Variants in GRIK4 observed in about 807,000 individuals in gnomAD.
GRIK4 encodes the protein glutamate ionotropic receptor kainate type subunit 4, also known as glutamate receptor ionotropic, kainate 4.
In GRIK4, 40 loss-of-function variants were observed where a neutral mutation model predicts 104.9. That is an observed-to-expected ratio of 0.38 (90% CI 0.30 to 0.50). The LOEUF (loss-of-function observed/expected upper bound fraction) is 0.50, where lower values mean the gene tolerates loss of function less well. GRIK4 is among the 20% of genes least tolerant of loss of function. The pLI is 0.93. For missense variants in GRIK4, 1,047 were observed against 1,308.1 expected (o/e 0.80, Z 3.08); for synonymous variants, 485 against 524.9 (o/e 0.92, Z 1.04).
At chr11:120,644,059 G>T (rs1311384711) in intron 1 of GRIK4, among the ~76,000 whole-genome samples, 5 of 121,038 alleles carry the variant, frequency 4.1e-5, no homozygotes, top group African/African-American at 1.8e-4. Flanking sequence ...GAGAGAGAGA[G>T]GAGAGAGAGA....
At chr11:120,671,210 A>G (rs1950011825) in intron 3 of GRIK4, among the ~76,000 whole-genome samples, 1 of 152,312 alleles carries the variant, frequency 6.6e-6, no homozygotes, top group Non-Finnish European at 1.5e-5. Flanking sequence ...TCCTTTGGGT[A>G]TATACCCAGT....
chr11:120,876,504 A>G (rs1451473349), intron 11 of GRIK4, among the ~76,000 whole-genome samples: 1 of 149,376 alleles, frequency 6.7e-6, no homozygotes, highest in Non-Finnish European at 1.5e-5. Flanking sequence ...TACCACTGCG[A>G]TTGTCATCAT....
At chr11:120,612,221 T>A (rs970283731) in intron 1 of GRIK4, among the ~76,000 whole-genome samples, 1 of 152,196 alleles carries the variant, frequency 6.6e-6, no homozygotes, top group African/African-American at 2.4e-5. Flanking sequence ...TGAACCACCA[T>A]GGGTCCATCT....
chr11:120,596,362 C>G (rs1280232132), intron 1 of GRIK4, among the ~76,000 whole-genome samples: 1 of 152,132 alleles, frequency 6.6e-6, no homozygotes, highest in Non-Finnish European at 1.5e-5. Context: ...AAAAAAAATG[C>G]AACGTGATGA....
intron 8 of GRIK4, among the ~76,000 whole-genome samples, chr11:120,857,174 G>A (rs1396884349): frequency 6.6e-6 from 1 of 152,120 alleles, no homozygotes; most frequent in Non-Finnish European, 1.5e-5. Flanking sequence ...CCTGTCTGGG[G>A]CCATGCCCAA....
At chr11:120,722,123 C>A (rs1476749948) in intron 3 of GRIK4, among the ~76,000 whole-genome samples, 1 of 152,182 alleles carries the variant, frequency 6.6e-6, no homozygotes, top group Non-Finnish European at 1.5e-5. Flanking sequence ...GCTGTGTGCT[C>A]TGCGGCTTCT....
intron 3 of GRIK4, among the ~76,000 whole-genome samples, chr11:120,740,793 A>C (rs1298719861): frequency 6.6e-6 from 1 of 152,200 alleles, no homozygotes; most frequent in Non-Finnish European, 1.5e-5. Flanking sequence ...TGTAAAGTAC[A>C]ATGGCCTCTC....
chr11:120,891,903 G>A lies in GRIK4; in HGVS notation c.1165-6629G>A, dbSNP rs896481685. Among the ~76,000 whole-genome samples the A allele has an allele frequency of 3.9e-5, 6 of 152,192 alleles. No individual in the cohort carries two copies. In the South Asian group the frequency reaches 6.2e-4, roughly 16 times the overall value. On this transcript the variant is annotated intron_variant, in intron 11 of 20. Coordinates refer to ENST00000527524, the MANE Select transcript of GRIK4 (RefSeq NM_014619.5). ...CAAATTTTTTTCTATGAAGGTCCAC[G>A]TGATAAATATTTAGACTTTGCAGGT... is the stretch of plus-strand genomic sequence containing the variant.
rs1949711363 is a variant in GRIK4 at position 120,656,444 on chromosome 11, G to A, written c.-51+2652G>A. On this transcript the variant is annotated intron_variant, in intron 2 of 20. Coordinates refer to ENST00000527524, the MANE Select transcript of GRIK4 (RefSeq NM_014619.5). The stretch of plus-strand genomic sequence containing the variant: ...GCAAGCCACTGAGCCTTACAGACAT[G>A]CAACATGGTGGCTCTTTTCATTCTT... Among the ~76,000 whole-genome samples, 3 of 152,192 alleles carry A rather than the reference G, an allele frequency of 2.0e-5. No homozygotes were observed. In the South Asian group the frequency reaches 6.2e-4, roughly 32 times the overall value.
Position 120,905,512 on chromosome 11 carries a change from A to G in GRIK4, c.1476+19A>G, listed in dbSNP as rs760280056. On this transcript the variant is annotated intron_variant, in intron 13 of 20. Transcript: ENST00000527524. The surrounding 1 kb of genome is among the most constrained non-coding windows in gnomAD (Gnocchi z 5.1). Reference sequence around the variant, plus strand: ...CGCTAGGGTAAGGAGAGGACAAGTGATCTGGGCCTGAGGGTGGGCTGGGAG... The same window carrying G: ...CGCTAGGGTAAGGAGAGGACAAGTGGTCTGGGCCTGAGGGTGGGCTGGGAG... 33 of 655,286 alleles carry G rather than the reference A, an allele frequency of 5.0e-5. No individual in the cohort carries two copies. The East Asian group carries it at 1.7e-3, about 33-fold the overall frequency. The allele number at this position is 655,286 out of a possible 1,614,324, so 40.6% of individuals were successfully genotyped here.
Position 120,895,561 on chromosome 11 carries a change from G to T in GRIK4, c.1165-2971G>T, listed in dbSNP as rs191952625. ...GGAATGGCCCTAGAAGCCATTCCCC[G>T]GTTAGCCTGGCCTGCTTAAGTGAAG... On this transcript the variant is annotated intron_variant, in intron 11 of 20. Transcript: ENST00000527524. Among the ~76,000 whole-genome samples, 171 of 152,192 alleles carry T rather than the reference G, an allele frequency of 1.1e-3. 1 individual carries two copies. The highest frequency in any genetic ancestry group is 3.9e-3 in the African/African-American group (164 of 41,526).
At chr11:120,722,649 G>T (rs1307798741) in intron 3 of GRIK4, among the ~76,000 whole-genome samples, 1 of 152,000 alleles carries the variant, frequency 6.6e-6, no homozygotes, top group Non-Finnish European at 1.5e-5. Flanking sequence ...TTTCCAAAGA[G>T]ACATCTTGAT....
intron 1 of GRIK4, among the ~76,000 whole-genome samples, chr11:120,565,813 C>T (rs1948314347): frequency 1.3e-5 from 2 of 152,204 alleles, no homozygotes; most frequent in Admixed American, 6.5e-5. Flanking sequence ...CATGAGAAAA[C>T]TTAACTAATA....
Position 120,641,419 on chromosome 11 carries a change from G to A in GRIK4, c.-158-12266G>A, listed in dbSNP as rs564624373. On this transcript the variant is annotated intron_variant, in intron 1 of 20. Transcript: ENST00000527524. ...AGGAATAAAGCTTGGCTACTCCATA[G>A]GCAATGCAGCCCACATGGCTGAGTA... Among the ~76,000 whole-genome samples, 4 of 151,882 alleles carry A rather than the reference G, an allele frequency of 2.6e-5. 1 individual carries two copies. In the South Asian group the frequency reaches 8.3e-4, roughly 32 times the overall value.
chr11:120,772,569 C>A (rs2135458904), intron 3 of GRIK4, among the ~76,000 whole-genome samples: 1 of 152,148 alleles, frequency 6.6e-6, no homozygotes, highest in South Asian at 2.1e-4. Context: ...TCAACTCAGG[C>A]TAAGGAGGTC....
intron 13 of GRIK4, among the ~76,000 whole-genome samples, chr11:120,915,289 C>T (rs1943082891): frequency 1.3e-5 from 2 of 152,242 alleles, no homozygotes; most frequent in Admixed American, 1.3e-4. Context: ...CTCTCCACAA[C>T]ACTCTGCTTC....
At chr11:120,574,368 C>T (rs1284364197) in intron 1 of GRIK4, among the ~76,000 whole-genome samples, 1 of 152,204 alleles carries the variant, frequency 6.6e-6, no homozygotes, top group Non-Finnish European at 1.5e-5. Context: ...AAACAAGTCA[C>T]AGTACCAGAG....
chr11:120,783,722 CA>C (rs1192044864), intron 3 of GRIK4, among the ~76,000 whole-genome samples: 2 of 152,140 alleles, frequency 1.3e-5, no homozygotes, highest in Non-Finnish European at 2.9e-5. Flanking sequence ...ATTCTGACAA[CA>C]GTCAACTAAG....
At chr11:120,890,940 C>G (rs533873568) in intron 11 of GRIK4, among the ~76,000 whole-genome samples, 2 of 152,350 alleles carry the variant, frequency 1.3e-5, no homozygotes, top group East Asian at 3.9e-4. Flanking sequence ...AAAGAACAAT[C>G]ATCTAAATGT....
Sources: gnomAD v4.1 joint callset for allele counts (sites outside exome capture counted in the v4.1 genomes callset) on GRCh38, gnomAD v4.1.1 for gene constraint, Gnocchi (gnomAD v3.1) non-coding constraint, MANE v1.5 for transcripts, NCBI Gene and HGNC (gene_info 2026-07-23, HGNC 2026-07-21) for gene names.